The following NCEH1 variants were observed in gnomAD, a reference collection of about 807,000 sequenced individuals.
NCEH1 encodes 2-acetyl MAGE hydrolase.
Under a neutral mutation model 25.4 loss-of-function variants are expected in NCEH1, and 9 were observed. That is an observed-to-expected ratio of 0.35 (90% CI 0.21 to 0.62). The LOEUF (loss-of-function observed/expected upper bound fraction) is 0.62. Among genes scored for constraint, NCEH1 ranks in the 20% least tolerant of loss-of-function variants. The pLI is 0.72. For synonymous variants in NCEH1, 200 were observed against 199.8 expected (o/e 1.00, Z -0.01); for missense variants, 412 against 501.1 (o/e 0.82, Z 1.70).
chr3:172,690,988 G>A (rs1187090699), intron 1 of NCEH1, among the ~76,000 whole-genome samples: 2 of 149,422 alleles, frequency 1.3e-5, no homozygotes, highest in African/African-American at 2.6e-5. Flanking sequence ...TGACATCCAG[G>A]GATTATGTAA....
At chr3:172,686,241 C>T (rs1278988608) in intron 1 of NCEH1, among the ~76,000 whole-genome samples, 2 of 152,162 alleles carry the variant, frequency 1.3e-5, no homozygotes, top group Non-Finnish European at 2.9e-5. Context: ...AACCAATGTC[C>T]TGCTCTATAT....
At chr3:172,638,276 CAAAAAAAAAAAAAA>C (rs57018096) in intron 3 of NCEH1, among the ~76,000 whole-genome samples, 4 of 22,576 alleles carry the variant, frequency 1.8e-4, no homozygotes, top group East Asian at 1.7e-3. Flanking sequence ...AGACTCTGTC[CAAAAAAAAAAAAAA>C]AAAAAAAAAA....
chr3:172,698,988 A>G (rs568819704), intron 1 of NCEH1, among the ~76,000 whole-genome samples: 12 of 152,334 alleles, frequency 7.9e-5, no homozygotes, highest in African/African-American at 2.9e-4. Flanking sequence ...GTAAGAGGAA[A>G]ATTATGTCAA....
chr3:172,670,478 T>C (rs186241175), intron 1 of NCEH1, among the ~76,000 whole-genome samples: 4 of 152,336 alleles, frequency 2.6e-5, no homozygotes, highest in Non-Finnish European at 5.9e-5. Flanking sequence ...AATAGCCACA[T>C]CCTGACTATG....
intron 1 of NCEH1, among the ~76,000 whole-genome samples, chr3:172,653,744 G>GTTTTTTTTTTTTTTTTTTTTTTTTTTTT (rs796835886): frequency 1.0e-5 from 1 of 95,676 alleles, no homozygotes; most frequent in African/African-American, 4.2e-5. Context: ...TGTTTTTTTT[G>GTTTTTTTTTTTTTTTTTTTTTTTTTTTT]TTTTTTTGTT....
chr3:172,648,630 T>C (rs1232545141), intron 1 of NCEH1, among the ~76,000 whole-genome samples: 2 of 152,192 alleles, frequency 1.3e-5, no homozygotes, highest in Non-Finnish European at 2.9e-5. Context: ...TCAATATATT[T>C]AATTGTATCT....
intron 3 of NCEH1, 102 bp from the exon 4 acceptor site, chr3:172,636,189 G>A: frequency 1.6e-6 from 1 of 639,584 alleles, no homozygotes; most frequent in Non-Finnish European, 2.6e-6. Flanking sequence ...AAATAGATAA[G>A]AAATTAATTC....
intron 4 of NCEH1, 116 bp downstream of exon 4, chr3:172,635,800 T>C (rs1210417204): frequency 6.7e-6 from 6 of 892,242 alleles, no homozygotes; most frequent in Admixed American, 6.5e-5. Flanking sequence ...AATTTGGCCA[T>C]CTAGTGACCG....
intron 1 of NCEH1, among the ~76,000 whole-genome samples, chr3:172,706,446 A>T (rs1475710366): frequency 6.6e-6 from 1 of 150,978 alleles, no homozygotes; most frequent in East Asian, 1.9e-4. Flanking sequence ...ACTGCCTAGT[A>T]TTCCCAAATA....
chr3:172,634,348 TGTATC>T (rs1716511311), intron 4 of NCEH1, among the ~76,000 whole-genome samples: 1 of 152,220 alleles, frequency 6.6e-6, no homozygotes, highest in African/African-American at 2.4e-5. Flanking sequence ...ACCCTGTACT[TGTATC>T]TATCTTTAGG....
At chr3:172,657,912 A>T (rs556464751) in intron 1 of NCEH1, among the ~76,000 whole-genome samples, 1 of 152,260 alleles carries the variant, frequency 6.6e-6, no homozygotes, top group East Asian at 1.9e-4. Flanking sequence ...CAAATGATAA[A>T]TCTACAGGAA....
At chr3:172,696,403 C>T (rs1442019986) in intron 1 of NCEH1, among the ~76,000 whole-genome samples, 1 of 152,168 alleles carries the variant, frequency 6.6e-6, no homozygotes, top group Non-Finnish European at 1.5e-5. Flanking sequence ...TTAGTGTAGA[C>T]AACTGACAAA....
At chr3:172,696,923 A>G (rs969968178) in intron 1 of NCEH1, among the ~76,000 whole-genome samples, 5 of 151,938 alleles carry the variant, frequency 3.3e-5, no homozygotes, top group Non-Finnish European at 7.4e-5. Context: ...AATGGGTAAT[A>G]TATATCTTTT....
chr3:172,706,757 T>C (rs1053890485), intron 1 of NCEH1, among the ~76,000 whole-genome samples: 3 of 152,074 alleles, frequency 2.0e-5, no homozygotes, highest in Non-Finnish European at 4.4e-5. Context: ...CGCCTCGACC[T>C]CCCACAGTGC....
intron 1 of NCEH1, among the ~76,000 whole-genome samples, chr3:172,657,577 C>A (rs771383367): frequency 1.3e-5 from 2 of 152,152 alleles, no homozygotes; most frequent in African/African-American, 2.4e-5. Context: ...TCTGCACTTG[C>A]CTGCTAACTT....
intron 1 of NCEH1, among the ~76,000 whole-genome samples, chr3:172,707,141 T>C (rs1263926339): frequency 6.6e-6 from 1 of 152,178 alleles, no homozygotes; most frequent in African/African-American, 2.4e-5. Context: ...ACACTTAGTA[T>C]TTTAACCTGC....
At chr3:172,666,198 C>A (rs922839068) in intron 1 of NCEH1, among the ~76,000 whole-genome samples, 1 of 152,166 alleles carries the variant, frequency 6.6e-6, no homozygotes, top group Non-Finnish European at 1.5e-5. Flanking sequence ...TAGAAATTGT[C>A]CACCCAATAT....
In NCEH1 at chr3:172,633,744, G is replaced by T; in HGVS notation, c.958C>A (p.Leu320Met). The change falls in exon 5 of 5, where the codon CTG becomes ATG. Residue 320 changes from leucine to methionine, a missense_variant. Around this residue, in one of 3 missense-constraint regions of NCEH1, gnomAD observed 210 missense variants for 258.2 expected, o/e 0.81. Coordinates refer to ENST00000475381, the MANE Select transcript of NCEH1 (RefSeq NM_020792.6). ...ATGAGTGGGGCGGAGCGGGCATCCA[G>T]CAACTGAGGAAGCTCCTGGACAATC... Reference protein sequence around the residue: ...ARIVQELPQLLDARSAPLIAD... With the variant: ...ARIVQELPQLMDARSAPLIAD... 6.2e-7 allele frequency: 1 copy of T among 1,614,220 alleles called. No homozygotes were observed. The highest frequency in any genetic ancestry group is 8.5e-7 in the Non-Finnish European group (1 of 1,180,040).
intron 2 of NCEH1, 145 bp downstream of exon 2, chr3:172,647,741 C>G: frequency 9.1e-7 from 1 of 1,094,972 alleles, no homozygotes; most frequent in Non-Finnish European, 1.3e-6. Flanking sequence ...CATAATTTTG[C>G]TGGGACAACA....
Sources: allele counts gnomAD v4.1 joint callset (sites outside exome capture counted in the v4.1 genomes callset), GRCh38; gene constraint gnomAD v4.1.1; regional missense constraint gnomAD v4.1.1; transcripts MANE v1.5; gene names NCBI Gene and HGNC (gene_info 2026-07-23, HGNC 2026-07-21).